POLR3K: variants seen among roughly 807,000 people sequenced by gnomAD.
The protein encoded by POLR3K is RNA polymerase III subunit K, also known as DNA-directed RNA polymerase III subunit RPC10.
Under a neutral mutation model 13.5 loss-of-function variants are expected in POLR3K, and 11 were observed. The ratio of observed to expected loss-of-function variants is 0.81; its 90% CI spans 0.51 to 1.35. The LOEUF (loss-of-function observed/expected upper bound fraction) is 1.35. Among genes scored for constraint, POLR3K ranks in the 40% most tolerant of loss-of-function variants. The pLI is 0.00. For synonymous variants in POLR3K, 56 were observed against 51.5 expected, an observed-to-expected ratio of 1.09 and a Z score of -0.38; for missense variants, 144 against 145.3, an observed-to-expected ratio of 0.99 and a Z score of 0.05.
At chr16:53,389 C>A (rs1179747649) in intron 1 of POLR3K, 87 bp downstream of exon 1, 12 of 1,491,096 alleles carry the variant, frequency 8.0e-6, no homozygotes, top group Non-Finnish European at 9.8e-6. Flanking sequence ...AGGCAGACGC[C>A]GGGGCTGGCG....
rs1042273338 is a variant in POLR3K at position 47,368 on chromosome 16, G to T, written c.*62C>A. On this transcript the variant is annotated 3_prime_UTR_variant, in exon 3 of 3. Coordinates refer to ENST00000293860, the MANE Select transcript of POLR3K (RefSeq NM_016310.5). Reference sequence around the variant, plus strand: ...TCAGGACACACAACTCATACTGCCAGCTAAGCATCTACCCCGAGGGACAAG... The same window carrying T: ...TCAGGACACACAACTCATACTGCCATCTAAGCATCTACCCCGAGGGACAAG... 2.5e-6 allele frequency: 4 copies of T among 1,570,698 alleles called. No homozygotes were observed. Among genetic ancestry groups the T allele is most frequent in the Admixed American group, 3.5e-5 (2 of 57,488 alleles).
rs933483319 is a variant in POLR3K, at chr16:46,420, T to C, written c.*1010A>G. 2 of 151,880 alleles carry C rather than the reference T, an allele frequency of 1.3e-5. No homozygotes were observed. 9.4% of individuals were successfully genotyped at this position (151,880 alleles called of 1,614,324 possible). A position where few individuals can be genotyped will look rare whatever the true frequency, so the allele number is the denominator to read the frequency against. On this transcript the variant is annotated 3_prime_UTR_variant, in exon 3 of 3. Transcript: ENST00000293860. The stretch of plus-strand genomic sequence containing the variant: ...TCAACATGTTCAAACAATAAGAAAA[T>C]AGTCATATTAAATGTAAAGATTGGT...
chr16:48,515 G>A (rs1158433748), intron 2 of POLR3K, among the ~76,000 whole-genome samples: 1 of 152,186 alleles, frequency 6.6e-6, no homozygotes, highest in Non-Finnish European at 1.5e-5. Context: ...GCATTGTCAA[G>A]AATTGAGCAT....
At chr16:47,890 A>ATG (rs1350876996) in intron 2 of POLR3K, among the ~76,000 whole-genome samples, 1 of 53,580 alleles carries the variant, frequency 1.9e-5, no homozygotes, top group African/African-American at 6.9e-5. Context: ...TTACTATAAT[A>ATG]TCTTTTTTTT....
rs756857661 is a variant in POLR3K, at chr16:47,387, G to A, written c.*43C>T. On this transcript the variant is annotated 3_prime_UTR_variant, in exon 3 of 3. Coordinates refer to ENST00000293860, the MANE Select transcript of POLR3K (RefSeq NM_016310.5). Reference sequence around the variant, plus strand: ...CTGCCAGCTAAGCATCTACCCCGAGGGACAAGGCAAGCACACACTAGGGCA... The same window carrying A: ...CTGCCAGCTAAGCATCTACCCCGAGAGACAAGGCAAGCACACACTAGGGCA... The A allele has an allele frequency of 1.3e-6, 2 of 1,597,464 alleles. No individual in the cohort carries two copies. The highest frequency in any genetic ancestry group is 1.7e-5 in the Admixed American group (1 of 59,090).
At chr16:48,717 A>C (rs969282820) in intron 2 of POLR3K, among the ~76,000 whole-genome samples, 1 of 151,846 alleles carries the variant, frequency 6.6e-6, no homozygotes, top group Non-Finnish European at 1.5e-5. Flanking sequence ...AGGCTGAGGC[A>C]AGAGAATTGC....
chr16:53,548 G>T lies in POLR3K; in HGVS notation c.39C>A (p.Ile13=), dbSNP rs1410437075. The change falls in exon 1 of 3, where the codon ATC becomes ATA. Residue 13 remains isoleucine (I), a synonymous_variant. Coordinates refer to ENST00000293860, the MANE Select transcript of POLR3K (RefSeq NM_016310.5). ...LFCPGCGNGL[I]VEEGQRCHRF... ...GGTGGCAGCGTTGTCCCTCCTCCAC[G>T]ATCAGCCCGTTCCCGCAGCCGGGGC... 1.9e-6 allele frequency: 3 copies of T among 1,613,064 alleles called. No homozygotes were observed. Among genetic ancestry groups the T allele is most frequent in the Non-Finnish European group, 1.7e-6 (2 of 1,179,768 alleles).
At chr16:49,725 C>G (rs184876157) in intron 2 of POLR3K, among the ~76,000 whole-genome samples, 1 of 151,850 alleles carries the variant, frequency 6.6e-6, no homozygotes, top group Admixed American at 6.6e-5. Flanking sequence ...CTACAACCTC[C>G]GCCTCACAGG....
intron 2 of POLR3K, among the ~76,000 whole-genome samples, chr16:48,950 A>G (rs1215574546): frequency 2.7e-5 from 4 of 148,916 alleles, no homozygotes; most frequent in African/African-American, 7.5e-5. Context: ...TCGGGAGGTC[A>G]AGACCAGCCT....
intron 2 of POLR3K, among the ~76,000 whole-genome samples, chr16:48,689 C>T (rs138115473): frequency 0.14 from 20,931 of 150,868 alleles, 1,585 homozygotes; most frequent in Middle Eastern, 0.25. Flanking sequence ...CGGGTGCCTG[C>T]AGTCCCAGCT....
At chr16:48,537 C>G (rs554333484) in intron 2 of POLR3K, among the ~76,000 whole-genome samples, 1 of 152,298 alleles carries the variant, frequency 6.6e-6, no homozygotes, top group South Asian at 2.1e-4. Flanking sequence ...AAGGGCCGGG[C>G]GCGGTGGCTC....
chr16:52,446 CAAAAA>C (rs767411954), intron 1 of POLR3K, among the ~76,000 whole-genome samples: 6 of 74,190 alleles, frequency 8.1e-5, no homozygotes, highest in African/African-American at 2.9e-4. Flanking sequence ...GACTCTGTCT[CAAAAA>C]AAAAAAAAAA....
At chr16:51,706 C>A (rs964144286) in intron 1 of POLR3K, 61 bp from the exon 2 acceptor site, 30 of 1,396,220 alleles carry the variant, frequency 2.1e-5, no homozygotes, top group Admixed American at 1.7e-4. Flanking sequence ...GGCTGCCAAA[C>A]CTTAAATTTC....
At chr16:51,016 GA>G (rs971732063) in intron 2 of POLR3K, among the ~76,000 whole-genome samples, 4 of 152,148 alleles carry the variant, frequency 2.6e-5, no homozygotes, top group African/African-American at 7.2e-5. Context: ...AGCATGGGGG[GA>G]AACCGCTCCC....
At position 47,487 on chromosome 16, in the gene POLR3K, C is replaced by T. The variant is rs149639960; in HGVS notation, c.270G>A (p.Pro90=). The T allele has an allele frequency of 1.2e-5, 19 of 1,613,432 alleles. No individual in the cohort carries two copies. Among genetic ancestry groups the T allele is most frequent in the African/African-American group, 4.0e-5 (3 of 74,998 alleles). The change falls in exon 3 of 3, where the codon CCG becomes CCA. Residue 90 remains proline (P), a synonymous_variant. Transcript: ENST00000293860. ...MQLQTRSADE[P]MTTFYKCCNA... The stretch of plus-strand genomic sequence containing the variant: ...TGCAGCACTTGTAGAAGGTGGTCAT[C>T]GGCTCATCTGCAGAGCGGGTCTGAA...
chr16:50,901 A>T (rs893103255), intron 2 of POLR3K, among the ~76,000 whole-genome samples: 1 of 152,192 alleles, frequency 6.6e-6, no homozygotes, highest in Non-Finnish European at 1.5e-5. Flanking sequence ...GGCGAAAGGA[A>T]CCTCTTCACA....
intron 1 of POLR3K, among the ~76,000 whole-genome samples, chr16:52,721 G>A (rs1160148363): frequency 3.0e-5 from 4 of 132,582 alleles, no homozygotes; most frequent in Admixed American, 8.5e-5. Context: ...AGCCGAGATC[G>A]CGCCACTGCA....
At chr16:51,109 G>A (rs1281499017) in intron 2 of POLR3K, among the ~76,000 whole-genome samples, 1 of 152,180 alleles carries the variant, frequency 6.6e-6, no homozygotes, top group East Asian at 1.9e-4. Flanking sequence ...GATTAGGGTG[G>A]AGACACAGCC....
intron 2 of POLR3K, 56 bp downstream of exon 2, chr16:51,502 A>T: frequency 2.1e-6 from 3 of 1,418,874 alleles, no homozygotes; most frequent in Non-Finnish European, 3.0e-6. Flanking sequence ...AAGCAGTGGC[A>T]TCAACAGCCT....
Sources: gnomAD v4.1 joint callset for allele counts (sites outside exome capture counted in the v4.1 genomes callset) on GRCh38, gnomAD v4.1.1 for gene constraint, MANE v1.5 for transcripts, NCBI Gene and HGNC (gene_info 2026-07-23, HGNC 2026-07-21) for gene names.